Variants in KLHL30 observed in about 807,000 individuals in gnomAD.
KLHL30 encodes the protein kelch-like protein 30.
In KLHL30, 55 loss-of-function variants were observed where a neutral mutation model predicts 55.0. The ratio of observed to expected loss-of-function variants is 1.00; its 90% CI spans 0.80 to 1.25. KLHL30 has a LOEUF of 1.25. Among genes scored for constraint, KLHL30 ranks in the 50% most tolerant of loss-of-function variants. The pLI is 0.00. For synonymous variants in KLHL30, 356 were observed against 372.6 expected (o/e 0.96, Z 0.51); for missense variants, 786 against 811.6 (o/e 0.97, Z 0.38).
At chr2:238,144,287 T>C (rs954456331) in intron 3 of KLHL30, among the ~76,000 whole-genome samples, 5 of 152,202 alleles carry the variant, frequency 3.3e-5, no homozygotes, top group South Asian at 2.1e-4. Flanking sequence ...GGGCACCACA[T>C]CTGAGATTTG....
Position 238,152,048 on chromosome 2 carries a change from C to T in KLHL30, c.*983C>T, listed in dbSNP as rs1366010174. ...TTGCAGCTAAGGAGACAATGAAGGA[C>T]TCTCCCTGGGTGCCCAATGGCGTGT... On this transcript the variant is annotated 3_prime_UTR_variant, in exon 8 of 8. Coordinates refer to ENST00000409223, the MANE Select transcript of KLHL30 (RefSeq NM_198582.4). 1.0e-6 allele frequency: 1 copy of T among 985,378 alleles called. No homozygotes were observed. The highest frequency in any genetic ancestry group is 6.1e-5 in the Admixed American group (1 of 16,274). The allele number at this position is 985,378 out of a possible 1,614,324, so 61.0% of individuals were successfully genotyped here.
At chr2:238,144,149 C>A (rs1316531839) in intron 3 of KLHL30, among the ~76,000 whole-genome samples, 1 of 152,200 alleles carries the variant, frequency 6.6e-6, no homozygotes, top group Non-Finnish European at 1.5e-5. Flanking sequence ...ACCCTAGGAA[C>A]AATAATCCTA....
At chr2:238,146,207 T>A (rs1319432749) in intron 5 of KLHL30, among the ~76,000 whole-genome samples, 2 of 151,798 alleles carry the variant, frequency 1.3e-5, no homozygotes, top group African/African-American at 4.8e-5. Flanking sequence ...CGTCACTGAT[T>A]AAAGGAACAT....
Position 238,151,791 on chromosome 2 carries a change from G to T in KLHL30, c.*726G>T. The stretch of plus-strand genomic sequence containing the variant: ...CGTGGGGCGGGGCTGGAGGGTCCCA[G>T]GGAGGTGAGCAGTTTTGCTCTCAGA... On this transcript the variant is annotated 3_prime_UTR_variant, in exon 8 of 8. Transcript: ENST00000409223. 1.3e-6 allele frequency: 1 copy of T among 767,736 alleles called. No individual in the cohort carries two copies. The allele number at this position is 767,736 out of a possible 1,614,324, so 47.6% of individuals were successfully genotyped here.
chr2:238,141,605 G>T, intron 2 of KLHL30, 77 bp downstream of exon 2: 2 of 1,390,722 alleles, frequency 1.4e-6, no homozygotes, highest in Non-Finnish European at 1.9e-6. Context: ...AGTAGGGACA[G>T]AGTAAGGAGT....
Position 238,140,775 on chromosome 2 carries a change from C to G in KLHL30, c.21C>G (p.Asp7Glu). 1 of 1,551,394 alleles carries G rather than the reference C, an allele frequency of 6.4e-7. No homozygotes were observed. Among genetic ancestry groups the G allele is most frequent in the Non-Finnish European group, 8.7e-7 (1 of 1,143,972 alleles). MVRNVD[D>E]LDFHLPSHAQ... ...GCGTCATGGTGCGGAACGTGGATGACCTGGATTTCCACCTGCCCTCGCATG... is the reference window on the plus strand; with the variant it reads ...GCGTCATGGTGCGGAACGTGGATGAGCTGGATTTCCACCTGCCCTCGCATG... The change falls in exon 2 of 8, where the codon GAC becomes GAG. Residue 7 changes from aspartate (D) to glutamate (E), a missense_variant. By Grantham distance (45) the Asp-to-Glu change is conservative (BLOSUM62 2). Transcript: ENST00000409223.
At chr2:238,145,546 C>A in intron 4 of KLHL30, 131 bp from the exon 5 acceptor site, 1 of 1,044,330 alleles carries the variant, frequency 9.6e-7, no homozygotes. Context: ...CTACCCTGGT[C>A]CCACCTCTGG....
Position 238,151,646 on chromosome 2 carries a change from C to A in KLHL30, c.*581C>A. The A allele has an allele frequency of 2.6e-5, 4 of 156,240 alleles. No homozygotes were observed. The highest frequency in any genetic ancestry group is 5.6e-5 in the Non-Finnish European group (4 of 70,916). 9.7% of individuals were successfully genotyped at this position (156,240 alleles called of 1,614,324 possible). A position where few individuals can be genotyped will look rare whatever the true frequency, so the allele number is the denominator to read the frequency against. ...GGCTGGCTGTGTGGGCTTTGGGTCC[C>A]CACTCAGGCTTTGCATGTTGGTGCT... On this transcript the variant is annotated 3_prime_UTR_variant, in exon 8 of 8. Coordinates refer to ENST00000409223, the MANE Select transcript of KLHL30 (RefSeq NM_198582.4).
chr2:238,146,177 G>A (rs1033012437), intron 5 of KLHL30, among the ~76,000 whole-genome samples: 7 of 152,078 alleles, frequency 4.6e-5, no homozygotes, highest in African/African-American at 1.7e-4. Flanking sequence ...TGCAGCTACA[G>A]CAAGGAGTCA....
intron 2 of KLHL30, among the ~76,000 whole-genome samples, chr2:238,142,260 C>T (rs539456818): frequency 1.3e-5 from 2 of 152,340 alleles, no homozygotes; most frequent in Admixed American, 1.3e-4. Context: ...GGGCTAAACC[C>T]TAACCCCTGT....
At position 238,145,728 on chromosome 2, in the gene KLHL30, G is replaced by A. The variant is rs906642198; in HGVS notation, c.1046G>A (p.Cys349Tyr). The change falls in exon 5 of 8, where the codon TGC (cysteine) becomes TAC (tyrosine). Residue 349 changes from cysteine to tyrosine, a missense_variant. Cys to Tyr is a radical substitution (Grantham distance 194). Transcript: ENST00000409223. ...ACCTGGTCAACCACCCAGGCCTGGTGCTTCCCCCTGAAGGAGGCCTCCTGG... is the reference window on the plus strand; with the variant it reads ...ACCTGGTCAACCACCCAGGCCTGGTACTTCCCCCTGAAGGAGGCCTCCTGG... ...TDTWSTTQAWCFPLKEASWKP... is the reference protein window; with the variant it reads ...TDTWSTTQAWYFPLKEASWKP... 3 of 1,594,138 alleles carry A rather than the reference G, an allele frequency of 1.9e-6. No homozygotes were observed. In the African/African-American group the frequency reaches 4.0e-5, roughly 21 times the overall value.
Position 238,145,810 on chromosome 2 carries a change from T to A in KLHL30, c.1128T>A (p.Asn376Lys), listed in dbSNP as rs746209199. 6.2e-7 allele frequency: 1 copy of A among 1,606,534 alleles called. No individual in the cohort carries two copies. ...PRTNHASAAL[N>K]GEIYVIGGTT... ...CCAACCACGCCAGCGCGGCCCTCAA[T>A]GGGGAGATCTACGTTATCGGCGGTG... Residue 376 changes from asparagine (N) to lysine (K), a missense_variant, in exon 5 of 8, where the codon AAT (asparagine) becomes AAA (lysine). By Grantham distance (94) the Asn-to-Lys change is moderately conservative. Transcript: ENST00000409223.
Position 238,152,073 on chromosome 2 carries a change from T to A in KLHL30, c.*1008T>A. ...CTCTCCCTGGGTGCCCAATGGCGTG[T>A]CCCTCCTGTCACAGGCTCCGCCCTG... On this transcript the variant is annotated 3_prime_UTR_variant, in exon 8 of 8. Transcript: ENST00000409223. 1.0e-6 allele frequency: 1 copy of A among 985,514 alleles called. No homozygotes were observed. 61.0% of individuals were successfully genotyped at this position (985,514 alleles called of 1,614,324 possible).
In KLHL30 at chr2:238,141,016, G is replaced by A. The variant is rs750825083; in HGVS notation, c.262G>A (p.Val88Met). ...GGAGCCCGCCGTGGTGGGACAACTG[G>A]TGGACTTCGTGTACACAGGCCGGCT... ...DVEPAVVGQL[V>M]DFVYTGRLTI... Residue 88 changes from valine (V) to methionine (M), a missense_variant, in exon 2 of 8, where the codon GTG (valine) becomes ATG (methionine). Physicochemically the swap from Val to Met is conservative, Grantham distance 21 (BLOSUM62 1). Transcript: ENST00000409223. 1.2e-6 allele frequency: 2 copies of A among 1,612,348 alleles called. No homozygotes were observed. Among genetic ancestry groups the A allele is most frequent in the Non-Finnish European group, 1.7e-6 (2 of 1,179,702 alleles).
At chr2:238,150,566 G>T (rs1692735609) in intron 7 of KLHL30, among the ~76,000 whole-genome samples, 2 of 152,188 alleles carry the variant, frequency 1.3e-5, no homozygotes, top group Non-Finnish European at 2.9e-5. Flanking sequence ...CTGACTGCAG[G>T]GGTTGGAAGT....
chr2:238,151,212 A>T lies in KLHL30; in HGVS notation c.*147A>T. 1 of 1,145,148 alleles carries T rather than the reference A, an allele frequency of 8.7e-7. No individual in the cohort carries two copies. The highest frequency in any genetic ancestry group is 1.6e-5 in the South Asian group (1 of 62,950). The allele number at this position is 1,145,148 out of a possible 1,614,324, so 70.9% of individuals were successfully genotyped here. A position where few individuals can be genotyped will look rare whatever the true frequency, so the allele number is the denominator to read the frequency against. ...AGGCCACCAGGGGTGATCAGACGGC[A>T]TGGCTTGGAGGACACAGCCTTGGTC... On this transcript the variant is annotated 3_prime_UTR_variant, in exon 8 of 8. Coordinates refer to ENST00000409223, the MANE Select transcript of KLHL30 (RefSeq NM_198582.4).
Position 238,151,008 on chromosome 2 carries a change from C to A in KLHL30, c.1680C>A (p.Thr560=). ...PRLWLYHGAS[T]VFLDVSKWTQ... ...TCTGGCTCTACCACGGGGCCTCCAC[C>A]GTCTTCCTGGATGTCTCCAAGTGGA... The change falls in exon 8 of 8, where the codon ACC becomes ACA. Residue 560 remains threonine, a synonymous_variant. Transcript: ENST00000409223. 1.3e-6 allele frequency: 2 copies of A among 1,591,310 alleles called. No individual in the cohort carries two copies. The highest frequency in any genetic ancestry group is 1.1e-5 in the South Asian group (1 of 87,298).
Position 238,151,073 on chromosome 2 carries a change from C to T in KLHL30, c.*8C>T. The T allele has an allele frequency of 6.3e-7, 1 of 1,580,410 alleles. No individual in the cohort carries two copies. Among genetic ancestry groups the T allele is most frequent in the Non-Finnish European group, 8.6e-7 (1 of 1,162,604 alleles). On this transcript the variant is annotated 3_prime_UTR_variant, in exon 8 of 8. Coordinates refer to ENST00000409223, the MANE Select transcript of KLHL30 (RefSeq NM_198582.4). ...CCCACCCAGGAGCACTAAACCAGGG[C>T]CAGGGTCCCCGGGGAGGAGTCCCCA...
chr2:238,150,028 C>G (rs1342959512), intron 7 of KLHL30, among the ~76,000 whole-genome samples: 2 of 152,190 alleles, frequency 1.3e-5, no homozygotes, highest in African/African-American at 2.4e-5. Context: ...CTGCTGCCCA[C>G]AGCTGTCCCC....
Sources: allele counts gnomAD v4.1 joint callset (sites outside exome capture counted in the v4.1 genomes callset), GRCh38; gene constraint gnomAD v4.1.1; transcripts MANE v1.5; gene names NCBI Gene and HGNC (gene_info 2026-07-23, HGNC 2026-07-21).